Variants in PCSK2 observed in about 807,000 individuals in gnomAD.
The protein encoded by PCSK2 is proprotein convertase subtilisin/kexin type 2.
Under a neutral mutation model 69.7 loss-of-function variants are expected in PCSK2, and 14 were observed. That is an observed-to-expected ratio of 0.20 (90% confidence interval 0.13 to 0.31). The LOEUF is 0.31. PCSK2 is among the 10% of genes least tolerant of loss of function. The pLI is 1.00. For synonymous variants in PCSK2, 307 were observed against 320.7 expected (o/e 0.96, Z 0.46); for missense variants, 544 against 842.5 (o/e 0.65, Z 4.39).
rs979250562 is a variant in PCSK2, at chr20:17,341,113, G to A, written c.283-17214G>A. ...AAATGAGCTGGGCATGGTGGTGCAT[G>A]CCTGTAATCCCAGCAACTTGGGAGG... On this transcript the variant is annotated intron_variant, in intron 2 of 11. Transcript: ENST00000262545. 2.0e-5 allele frequency among the ~76,000 whole-genome samples: 3 copies of A among 152,148 alleles called. No individual in the cohort carries two copies. The East Asian group carries it at 5.8e-4, about 29-fold the overall frequency.
intron 2 of PCSK2, among the ~76,000 whole-genome samples, chr20:17,348,055 GAAAGAAAGAAAGAAA>G (rs1990739259): frequency 7.0e-5 from 3 of 43,120 alleles, no homozygotes; most frequent in South Asian, 7.8e-4. Flanking sequence ...AGAAAGGAAA[GAAAGAAAGAAAGAAA>G]GAAAGAAAGA....
At chr20:17,473,087 C>CTTTTTTTTT (rs10648323) in intron 11 of PCSK2, among the ~76,000 whole-genome samples, 38 of 76,784 alleles carry the variant, frequency 4.9e-4, no homozygotes, top group Admixed American at 7.7e-4. Context: ...AAGAAGAACT[C>CTTTTTTTTT]TTTTTTTTTT....
intron 2 of PCSK2, among the ~76,000 whole-genome samples, chr20:17,289,908 T>C (rs1324121685): frequency 6.6e-6 from 1 of 152,224 alleles, no homozygotes; most frequent in African/African-American, 2.4e-5. Flanking sequence ...TCAAAATAAA[T>C]TCTCTTTTGT....
At chr20:17,478,620 A>T (rs2033334182) in intron 11 of PCSK2, among the ~76,000 whole-genome samples, 1 of 152,232 alleles carries the variant, frequency 6.6e-6, no homozygotes, top group South Asian at 2.1e-4. Flanking sequence ...AATATTGTGT[A>T]CAACTAAGTG....
intron 2 of PCSK2, among the ~76,000 whole-genome samples, chr20:17,323,334 G>A (rs773528080): frequency 3.9e-5 from 6 of 152,210 alleles, no homozygotes; most frequent in Non-Finnish European, 8.8e-5. Flanking sequence ...ACAGCCATCT[G>A]CAAGCCAAGG....
At chr20:17,242,773 A>G (rs776162138) in intron 1 of PCSK2, among the ~76,000 whole-genome samples, 8 of 152,212 alleles carry the variant, frequency 5.3e-5, no homozygotes, top group Admixed American at 2.0e-4. Flanking sequence ...ACACATAAAT[A>G]ATTTAGGCTC....
At chr20:17,471,822 G>A (rs2033207085) in intron 11 of PCSK2, among the ~76,000 whole-genome samples, 1 of 152,224 alleles carries the variant, frequency 6.6e-6, no homozygotes, top group African/African-American at 2.4e-5. Flanking sequence ...AGGCCCTTGT[G>A]ACCACGAAGC....
chr20:17,312,987 C>A (rs1386043990), intron 2 of PCSK2, among the ~76,000 whole-genome samples: 2 of 152,134 alleles, frequency 1.3e-5, no homozygotes, highest in African/African-American at 4.8e-5. Flanking sequence ...TCTGAATTCA[C>A]CATCAAGATG....
chr20:17,357,864 G>A (rs112910132), intron 2 of PCSK2, among the ~76,000 whole-genome samples: 10,459 of 151,236 alleles, frequency 0.069, 387 homozygotes, highest in South Asian at 0.11. Context: ...ATTGCCCTCC[G>A]GCCTGGGCAA....
In PCSK2 at chr20:17,311,392, T is replaced by G. The variant is rs529032607; in HGVS notation, c.283-46935T>G. Among the ~76,000 whole-genome samples, 126 of 152,218 alleles carry G rather than the reference T, an allele frequency of 8.3e-4. 1 individual carries two copies. The highest frequency in any genetic ancestry group is 2.9e-3 in the African/African-American group (122 of 41,522). ...TCATATGAATATATTTCTTTAAAAA[T>G]TTAGGCACCTATAACCTGATTCTTA... On this transcript the variant is annotated intron_variant, in intron 2 of 11. Transcript: ENST00000262545.
At chr20:17,273,680 T>C (rs1299756814) in intron 2 of PCSK2, among the ~76,000 whole-genome samples, 1 of 152,176 alleles carries the variant, frequency 6.6e-6, no homozygotes, top group Non-Finnish European at 1.5e-5. Context: ...TTCCAGAACG[T>C]TGTGAATAAT....
intron 2 of PCSK2, among the ~76,000 whole-genome samples, chr20:17,300,870 A>G (rs908201528): frequency 6.6e-6 from 1 of 152,244 alleles, no homozygotes; most frequent in Non-Finnish European, 1.5e-5. Flanking sequence ...AGTGTGTAAT[A>G]GTAAGTGCTC....
intron 6 of PCSK2, among the ~76,000 whole-genome samples, chr20:17,416,534 G>C (rs1432818872): frequency 6.6e-6 from 1 of 151,000 alleles, no homozygotes; most frequent in Non-Finnish European, 1.5e-5. Context: ...AAATGCTGGA[G>C]AGGATGTGGA....
At chr20:17,412,462 G>A (rs2031897293) in intron 6 of PCSK2, among the ~76,000 whole-genome samples, 1 of 152,122 alleles carries the variant, frequency 6.6e-6, no homozygotes, top group Non-Finnish European at 1.5e-5. Flanking sequence ...GAAATAAAGT[G>A]AGAAGACAAG....
chr20:17,372,745 A>C (rs1218958711), intron 5 of PCSK2, among the ~76,000 whole-genome samples: 3 of 152,158 alleles, frequency 2.0e-5, no homozygotes, highest in Admixed American at 6.5e-5. Context: ...AGAAAACTGA[A>C]CACCTAACTA....
chr20:17,234,016 G>A (rs564633650), intron 1 of PCSK2, among the ~76,000 whole-genome samples: 40 of 152,186 alleles, frequency 2.6e-4, no homozygotes, highest in Non-Finnish European at 5.3e-4. Flanking sequence ...CCTGGTCCGT[G>A]AATTAGAAGA....
intron 2 of PCSK2, among the ~76,000 whole-genome samples, chr20:17,291,641 A>G (rs555104878): frequency 2.0e-5 from 3 of 152,326 alleles, no homozygotes; most frequent in South Asian, 4.1e-4. Flanking sequence ...CAATTGCAGT[A>G]CTTATATTTA....
At chr20:17,455,425 T>C (rs2032901772) in intron 9 of PCSK2, among the ~76,000 whole-genome samples, 1 of 152,182 alleles carries the variant, frequency 6.6e-6, no homozygotes, top group Admixed American at 6.5e-5. Flanking sequence ...TGTTTACCAG[T>C]CTCCCCTCTA....
chr20:17,407,389 T>C (rs764507988), intron 5 of PCSK2, among the ~76,000 whole-genome samples: 1 of 152,152 alleles, frequency 6.6e-6, no homozygotes, highest in African/African-American at 2.4e-5. Flanking sequence ...GCAGATACTC[T>C]TCCAAATCTA....
Sources: allele counts gnomAD v4.1 joint callset (sites outside exome capture counted in the v4.1 genomes callset), GRCh38; gene constraint gnomAD v4.1.1; transcripts MANE v1.5; gene names NCBI Gene and HGNC (gene_info 2026-07-23, HGNC 2026-07-21).